Variants in AGO1 observed in about 807,000 individuals in gnomAD.
AGO1 encodes the protein argonaute RISC component 1, also known as protein argonaute-1.
In AGO1, 11 loss-of-function variants were observed where a neutral mutation model predicts 109.2. That is an observed-to-expected ratio of 0.10 (90% confidence interval 0.06 to 0.17). The LOEUF is 0.17. Ranked by LOEUF, AGO1 falls within the 10% of genes least tolerant of loss-of-function variation. AGO1 has a pLI of 1.00. For synonymous variants in AGO1, 422 were observed against 418.6 expected, an observed-to-expected ratio of 1.01 and a Z score of -0.10; for missense variants, 574 against 1,140.3, an observed-to-expected ratio of 0.50 and a Z score of 7.15.
At chr1:35,886,662 T>A (rs1160469325) in intron 1 of AGO1, among the ~76,000 whole-genome samples, 1 of 152,156 alleles carries the variant, frequency 6.6e-6, no homozygotes, top group Non-Finnish European at 1.5e-5. Flanking sequence ...TGTCTCTTAC[T>A]GGCTACACCC....
chr1:35,870,508 C>T (rs1379135488), intron 1 of AGO1, among the ~76,000 whole-genome samples: 1 of 152,120 alleles, frequency 6.6e-6, no homozygotes, highest in Non-Finnish European at 1.5e-5. Flanking sequence ...TGGTCTCGAT[C>T]TCTTGACCTC....
chr1:35,896,324 A>G (rs1645318179), intron 8 of AGO1, among the ~76,000 whole-genome samples: 1 of 149,064 alleles, frequency 6.7e-6, no homozygotes, highest in Non-Finnish European at 1.5e-5. Flanking sequence ...ACAAGATCCA[A>G]AGGGAATGTA....
Position 35,883,882 on chromosome 1 carries a change from C to A in AGO1, c.25+436C>A, listed in dbSNP as rs1191442614. Among the ~76,000 whole-genome samples, 3 of 152,210 alleles carry A rather than the reference C, an allele frequency of 2.0e-5. No homozygotes were observed. The highest frequency in any genetic ancestry group is 2.9e-5 in the Non-Finnish European group (2 of 68,024). On this transcript the variant is annotated intron_variant, in intron 1 of 18. Transcript: ENST00000373204. The surrounding 1 kb of genome is among the most constrained non-coding windows in gnomAD (Gnocchi z 5.4). The stretch of plus-strand genomic sequence containing the variant: ...GGCTAATGTCTCTTGGGAGAAGGCG[C>A]CAGAGCTGGACTGTGAGCTCCGCCC...
At position 35,918,412 on chromosome 1, in the gene AGO1, G is replaced by A. The variant is rs750172296; in HGVS notation, c.2254G>A (p.Ala752Thr). 5.0e-6 allele frequency: 8 copies of A among 1,613,728 alleles called. No homozygotes were observed. The highest frequency in any genetic ancestry group is 1.1e-5 in the South Asian group (1 of 91,082). Residue 752 changes from alanine (A) to threonine (T), a missense_variant, in exon 17 of 19, where the codon GCA becomes ACA. By Grantham distance (58) the Ala-to-Thr change is moderately conservative (BLOSUM62 0). Coordinates refer to ENST00000373204, the MANE Select transcript of AGO1 (RefSeq NM_012199.5). ...FEFDFYLCSH[A>T]GIQGTSRPSH... Reference sequence around the variant, plus strand: ...GTTTGACTTCTATCTGTGCAGCCACGCAGGCATCCAGGTAGCTGGGCTTTA... The same window carrying A: ...GTTTGACTTCTATCTGTGCAGCCACACAGGCATCCAGGTAGCTGGGCTTTA...
chr1:35,919,634 T>C lies in AGO1; in HGVS notation c.*27T>C. ...GGCAGAACGCTGTTACCTCACTGGA[T>C]AGAAGAAAGCTTTCCAAGCCCCAGG... is the stretch of plus-strand genomic sequence containing the variant. On this transcript the variant is annotated 3_prime_UTR_variant, in exon 19 of 19. Transcript: ENST00000373204. The surrounding 1 kb of genome is among the most constrained non-coding windows in gnomAD (Gnocchi z 6.6). The C allele has an allele frequency of 1.3e-6, 2 of 1,594,130 alleles. No individual in the cohort carries two copies. The highest frequency in any genetic ancestry group is 1.7e-6 in the Non-Finnish European group (2 of 1,165,794).
At position 35,883,489 on chromosome 1, in the gene AGO1, TG is replaced by T; in HGVS notation, c.25+48del. ...GGGGAACGGTGCATGCTCCAAGGAC[TG>T]GGGGATCCCGCATGAAAAGCGTGGT... On this transcript the variant is annotated intron_variant, in intron 1 of 18. Coordinates refer to ENST00000373204, the MANE Select transcript of AGO1 (RefSeq NM_012199.5). This position sits in a 1 kb window ranked among gnomAD's most constrained non-coding sequence, Gnocchi z 5.4. The T allele has an allele frequency of 6.6e-7, 1 of 1,516,086 alleles. No individual in the cohort carries two copies. The highest frequency in any genetic ancestry group is 2.5e-5 in the Admixed American group (1 of 40,178). 93.9% of individuals were successfully genotyped at this position (1,516,086 alleles called of 1,614,324 possible). A position where few individuals can be genotyped will look rare whatever the true frequency, so the allele number is the denominator to read the frequency against.
At chr1:35,894,867 ACTT>A (rs1450866358) in intron 7 of AGO1, among the ~76,000 whole-genome samples, 2 of 152,078 alleles carry the variant, frequency 1.3e-5, no homozygotes, top group Non-Finnish European at 2.9e-5. Context: ...TAGTGTCCTG[ACTT>A]CTGACTTTTG....
chr1:35,894,240 A>T, intron 6 of AGO1, 69 bp downstream of exon 6: 1 of 1,592,106 alleles, frequency 6.3e-7, no homozygotes, highest in Non-Finnish European at 8.6e-7. Flanking sequence ...CCCTTGGGGT[A>T]TGCTCAGGGG....
intron 1 of AGO1, among the ~76,000 whole-genome samples, chr1:35,875,246 G>T (rs1222419225): frequency 6.6e-6 from 1 of 152,158 alleles, no homozygotes; most frequent in Non-Finnish European, 1.5e-5. Flanking sequence ...TTTTATTAGG[G>T]TCTAATGTAG....
chr1:35,871,206 TG>T (rs1427644253), intron 1 of AGO1, among the ~76,000 whole-genome samples: 2 of 151,912 alleles, frequency 1.3e-5, no homozygotes, highest in African/African-American at 4.8e-5. Flanking sequence ...CCTGATTTAG[TG>T]GGTGAAATTG....
At position 35,928,648 on chromosome 1, in the gene AGO1, T is replaced by G. The variant is rs1300930716; in HGVS notation, c.*9041T>G. Reference sequence around the variant, plus strand: ...AGTTGTAAGAGTTCTTTATTCATTTTAAACACAAGTCCTTTGTTGGATATA... The same window carrying G: ...AGTTGTAAGAGTTCTTTATTCATTTGAAACACAAGTCCTTTGTTGGATATA... On this transcript the variant is annotated 3_prime_UTR_variant, in exon 19 of 19. Transcript: ENST00000373204. 6.6e-6 allele frequency: 1 copy of G among 152,266 alleles called. No homozygotes were observed. Among genetic ancestry groups the G allele is most frequent in the African/African-American group, 2.4e-5 (1 of 41,472 alleles). 9.4% of individuals were successfully genotyped at this position (152,266 alleles called of 1,614,324 possible).
chr1:35,881,449 T>G (rs549539639), upstream of AGO1, among the ~76,000 whole-genome samples: 1 of 152,222 alleles, frequency 6.6e-6, no homozygotes, highest in Admixed American at 6.5e-5. Flanking sequence ...GCCTCCTGAG[T>G]AGCTGGGATT....
rs1356391187 is a variant in AGO1 at position 35,893,220 on chromosome 1, G to A, written c.454G>A (p.Val152Ile). The A allele has an allele frequency of 6.2e-7, 1 of 1,614,132 alleles. No individual in the cohort carries two copies. ...GGCCCTGGTCAGCGGCCAGATCCCTGTTCCCTTGGAGTCTGTGCAAGCCCT... is the reference window on the plus strand; with the variant it reads ...GGCCCTGGTCAGCGGCCAGATCCCTATTCCCTTGGAGTCTGTGCAAGCCCT... ...HEALVSGQIP[V>I]PLESVQALDV... Residue 152 changes from valine (V) to isoleucine (I), a missense_variant, in exon 4 of 19, where the codon GTT (valine) becomes ATT (isoleucine). By Grantham distance (29) the Val-to-Ile change is conservative. Coordinates refer to ENST00000373204, the MANE Select transcript of AGO1 (RefSeq NM_012199.5). The surrounding 1 kb of genome is among the most constrained non-coding windows in gnomAD (Gnocchi z 5.6).
In AGO1 at chr1:35,883,494, G is replaced by A; in HGVS notation, c.25+48G>A. On this transcript the variant is annotated intron_variant, in intron 1 of 18. Coordinates refer to ENST00000373204, the MANE Select transcript of AGO1 (RefSeq NM_012199.5). The surrounding 1 kb of genome is among the most constrained non-coding windows in gnomAD (Gnocchi z 5.4). ...ACGGTGCATGCTCCAAGGACTGGGG[G>A]ATCCCGCATGAAAAGCGTGGTTTCC... 6.6e-7 allele frequency: 1 copy of A among 1,505,442 alleles called. No homozygotes were observed. Among genetic ancestry groups the A allele is most frequent in the Admixed American group, 2.6e-5 (1 of 38,712 alleles). 93.3% of individuals were successfully genotyped at this position (1,505,442 alleles called of 1,614,324 possible).
rs757689155 is a variant in AGO1 at position 35,901,518 on chromosome 1, C to G, written c.1065C>G (p.Thr355=). The G allele has an allele frequency of 6.2e-7, 1 of 1,614,040 alleles. No individual in the cohort carries two copies. The highest frequency in any genetic ancestry group is 8.5e-7 in the Non-Finnish European group (1 of 1,180,000). ...GGCAGCGCTGTATTAAAAAGCTGAC[C>G]GACAACCAGACCTCGACCATGATAA... ...VAGQRCIKKL[T]DNQTSTMIKA... The change falls in exon 9 of 19, where the codon ACC becomes ACG. Residue 355 remains threonine, a synonymous_variant. Transcript: ENST00000373204. The surrounding 1 kb of genome is among the most constrained non-coding windows in gnomAD (Gnocchi z 4.8).
chr1:35,909,541 C>T (rs1419980466), intron 12 of AGO1, among the ~76,000 whole-genome samples: 1 of 152,196 alleles, frequency 6.6e-6, no homozygotes, highest in South Asian at 2.1e-4. Context: ...TCTTGTCCCC[C>T]ACCTTGCACT....
chr1:35,902,407 A>G, intron 11 of AGO1, 70 bp downstream of exon 11: 2 of 1,572,782 alleles, frequency 1.3e-6, no homozygotes, highest in Non-Finnish European at 1.7e-6. Context: ...CCTGTAGTCC[A>G]CAGGGGCTGA....
Position 35,888,290 on chromosome 1 carries a change from C to T in AGO1, c.26-137C>T. 2.5e-6 allele frequency: 2 copies of T among 800,076 alleles called. No individual in the cohort carries two copies. The highest frequency in any genetic ancestry group is 3.9e-6 in the Non-Finnish European group (2 of 511,916). 49.6% of individuals were successfully genotyped at this position (800,076 alleles called of 1,614,324 possible). A position where few individuals can be genotyped will look rare whatever the true frequency, so the allele number is the denominator to read the frequency against. On this transcript the variant is annotated intron_variant, in intron 1 of 18. Coordinates refer to ENST00000373204, the MANE Select transcript of AGO1 (RefSeq NM_012199.5). The surrounding 1 kb of genome is among the most constrained non-coding windows in gnomAD (Gnocchi z 4.1). The stretch of plus-strand genomic sequence containing the variant: ...GAGCTTGAGATGTCCCCTGGAAGCC[C>T]TTGGCTGGGTTGGGTAGCAGGAAAG...
At chr1:35,881,091 A>G (rs900088906), upstream of AGO1, among the ~76,000 whole-genome samples, 8 of 152,240 alleles carry the variant, frequency 5.3e-5, no homozygotes, top group African/African-American at 1.7e-4. Context: ...CTACTATTAC[A>G]TGTCTAGTAA....
Sources: gnomAD v4.1 joint callset for allele counts (sites outside exome capture counted in the v4.1 genomes callset) on GRCh38, gnomAD v4.1.1 for gene constraint, Gnocchi (gnomAD v3.1) non-coding constraint, MANE v1.5 for transcripts, NCBI Gene and HGNC (gene_info 2026-07-23, HGNC 2026-07-21) for gene names.